The following CHD2 variants were observed in gnomAD, a reference collection of about 807,000 sequenced individuals.
CHD2 encodes the protein ATP-dependent chromatin remodeler CHD2.
In CHD2, 28 loss-of-function variants were observed where a neutral mutation model predicts 243.9. The ratio of observed to expected loss-of-function variants is 0.11; its 90% CI spans 0.09 to 0.16. The LOEUF is 0.16. Ranked by LOEUF, CHD2 falls within the 10% of genes least tolerant of loss-of-function variation. The pLI is 1.00. For synonymous variants in CHD2, 775 were observed against 779.0 expected, an observed-to-expected ratio of 0.99 and a Z score of 0.09; for missense variants, 1,386 against 2,209.8, an observed-to-expected ratio of 0.63 and a Z score of 7.47.
rs148812774 is a variant in CHD2, at chr15:92,980,433, G to A, written c.2877-382G>A. On this transcript the variant is annotated intron_variant, in intron 22 of 38. Transcript: ENST00000394196. ...TTTTCAGATAGTTTTCTGTTTAAGAGGAAGCTAGATGAGAAAAGCCTAGCT... is the reference window on the plus strand; with the variant it reads ...TTTTCAGATAGTTTTCTGTTTAAGAAGAAGCTAGATGAGAAAAGCCTAGCT... Among the ~76,000 whole-genome samples, 71 of 152,198 alleles carry A rather than the reference G, an allele frequency of 4.7e-4. No individual in the cohort carries two copies. In the East Asian group the frequency reaches 0.012, roughly 26 times the overall value.
intron 6 of CHD2, among the ~76,000 whole-genome samples, chr15:92,938,583 G>T (rs2053306036): frequency 6.6e-6 from 1 of 152,042 alleles, no homozygotes; most frequent in African/African-American, 2.4e-5. Flanking sequence ...TTTTATCTCA[G>T]CTTAATAAGT....
At chr15:92,989,344 T>TG (rs1567154181) in intron 26 of CHD2, among the ~76,000 whole-genome samples, 1 of 152,182 alleles carries the variant, frequency 6.6e-6, no homozygotes, top group Non-Finnish European at 1.5e-5. Flanking sequence ...CTTTTTGGTT[T>TG]TCTATATGTC....
intron 2 of CHD2, among the ~76,000 whole-genome samples, chr15:92,912,522 A>C (rs1374042879): frequency 1.3e-5 from 2 of 151,296 alleles, no homozygotes; most frequent in East Asian, 3.9e-4. Context: ...GTGCCCAGTT[A>C]ATTTTTGTAT....
chr15:92,967,696 T>G (rs1185540322), intron 17 of CHD2, among the ~76,000 whole-genome samples, 183 bp downstream of exon 17: 1 of 151,916 alleles, frequency 6.6e-6, no homozygotes, highest in Admixed American at 6.6e-5. Context: ...CAGCTAATTT[T>G]TTTTGTATTT....
chr15:92,930,823 G>A (rs898547121), intron 5 of CHD2, among the ~76,000 whole-genome samples: 1 of 152,126 alleles, frequency 6.6e-6, no homozygotes, highest in African/African-American at 2.4e-5. Flanking sequence ...TGCAGAGTGG[G>A]ATCTGTCTTC....
chr15:92,906,596 T>G (rs2052625414), intron 2 of CHD2, among the ~76,000 whole-genome samples: 1 of 152,094 alleles, frequency 6.6e-6, no homozygotes, highest in South Asian at 2.1e-4. Flanking sequence ...ACACTAAGTT[T>G]GTTTCTGGTA....
chr15:93,003,993 G>T (rs544910082), intron 33 of CHD2, among the ~76,000 whole-genome samples: 1 of 151,902 alleles, frequency 6.6e-6, no homozygotes, highest in Non-Finnish European at 1.5e-5. Context: ...GTGTGGTGGC[G>T]TGCGCCTGTA....
chr15:92,965,441 AGCTGCTCAGGAG>A (rs1184261863), intron 16 of CHD2: 1 of 151,738 alleles, frequency 6.6e-6, no homozygotes, highest in Non-Finnish European at 1.5e-5. Flanking sequence ...CTGTAGTTCC[AGCTGCTCAGGAG>A]GCTGATGCAG....
In CHD2 at chr15:92,923,816, G is replaced by A. The variant is rs566889284; in HGVS notation, c.63-505G>A. Among the ~76,000 whole-genome samples, 61 of 152,130 alleles carry A rather than the reference G, an allele frequency of 4.0e-4. No individual in the cohort carries two copies. The South Asian group carries it at 5.2e-3, about 13-fold the overall frequency. ...CCTGACCTCGTGATCCGCCCGCCTC[G>A]GCCTCCCAAAGTGCTGGGATTACAG... On this transcript the variant is annotated intron_variant, in intron 2 of 38. Coordinates refer to ENST00000394196, the MANE Select transcript of CHD2 (RefSeq NM_001271.4).
chr15:93,020,065 A>C lies in CHD2; in HGVS notation c.4960A>C (p.Asn1654His), dbSNP rs1437890850. Residue 1654 changes from asparagine to histidine, a missense_variant, in exon 38 of 39, where the codon AAT (asparagine) becomes CAT (histidine). Asn to His is a moderately conservative substitution (Grantham distance 68, BLOSUM62 1). Transcript: ENST00000394196. ...RKFNYGGGNNNPPWGSDRHHQ... is the reference protein window; with the variant it reads ...RKFNYGGGNNHPPWGSDRHHQ... ...GTTCAACTATGGTGGTGGCAACAACAATCCACCATGGGGAAGCGACAGGCA... is the reference window on the plus strand; with the variant it reads ...GTTCAACTATGGTGGTGGCAACAACCATCCACCATGGGGAAGCGACAGGCA... 2 of 1,614,168 alleles carry C rather than the reference A, an allele frequency of 1.2e-6. No homozygotes were observed. The highest frequency in any genetic ancestry group is 3.3e-5 in the Admixed American group (2 of 60,032).
chr15:92,915,306 G>A (rs554942325), intron 2 of CHD2, among the ~76,000 whole-genome samples: 37 of 151,588 alleles, frequency 2.4e-4, no homozygotes, highest in Non-Finnish European at 5.2e-4. Context: ...ACAGAGTCTC[G>A]CTCTGTTGCC....
intron 7 of CHD2, among the ~76,000 whole-genome samples, chr15:92,940,940 T>A (rs111400498): frequency 0.032 from 4,206 of 133,142 alleles, 98 homozygotes; most frequent in South Asian, 0.078. Flanking sequence ...ATATATAAAA[T>A]ATATATAAAT....
At chr15:92,935,427 A>G (rs1050819784) in intron 5 of CHD2, among the ~76,000 whole-genome samples, 1 of 152,188 alleles carries the variant, frequency 6.6e-6, no homozygotes, top group African/African-American at 2.4e-5. Context: ...TCTAGCCTCA[A>G]CACATCCATT....
intron 5 of CHD2, among the ~76,000 whole-genome samples, chr15:92,930,126 T>C (rs1277644965): frequency 6.6e-6 from 1 of 152,206 alleles, no homozygotes; most frequent in Non-Finnish European, 1.5e-5. Context: ...AAGGCTTTTG[T>C]TCTGCCCCAG....
intron 38 of CHD2, among the ~76,000 whole-genome samples, chr15:93,022,330 A>T (rs1439909571): frequency 4.6e-5 from 7 of 152,168 alleles, no homozygotes; most frequent in Admixed American, 3.9e-4. Context: ...TTAAAGCACC[A>T]GCTCTCACGT....
chr15:92,935,387 G>A (rs1038528580), intron 5 of CHD2, among the ~76,000 whole-genome samples: 1 of 152,160 alleles, frequency 6.6e-6, no homozygotes, highest in African/African-American at 2.4e-5. Flanking sequence ...TTGTTCATAA[G>A]TCTGTAAATC....
At chr15:92,976,940 C>T (rs925362777) in intron 20 of CHD2, among the ~76,000 whole-genome samples, 1 of 150,916 alleles carries the variant, frequency 6.6e-6, no homozygotes, top group Non-Finnish European at 1.5e-5. Flanking sequence ...CTAAATTTTT[C>T]TTATGCTTGT....
chr15:93,004,767 G>T lies in CHD2; in HGVS notation c.4413+16G>T. The T allele has an allele frequency of 2.5e-6, 4 of 1,605,622 alleles. No homozygotes were observed. Among genetic ancestry groups the T allele is most frequent in the Non-Finnish European group, 3.4e-6 (4 of 1,175,088 alleles). On this transcript the variant is annotated intron_variant, in intron 34 of 38. Coordinates refer to ENST00000394196, the MANE Select transcript of CHD2 (RefSeq NM_001271.4). ...ATTCAGCATAGTAAGTCTTGAAATC[G>T]GGGGGTGCCAGTGTCTGCAGCCGCG...
rs113304976 is a variant in CHD2, at chr15:92,933,370, A to G, written c.444-4148A>G. On this transcript the variant is annotated intron_variant, in intron 5 of 38. Transcript: ENST00000394196. ...GGTAATGCTGGCTTATGTAACAGTG[A>G]TGGACCAGGAGTTCTCCATTTTGCC... is the stretch of plus-strand genomic sequence containing the variant. 7.9e-5 allele frequency among the ~76,000 whole-genome samples: 12 copies of G among 152,306 alleles called. 1 individual carries two copies. The highest frequency in any genetic ancestry group is 1.9e-4 in the African/African-American group (8 of 41,572).
Sources: gnomAD v4.1 joint callset for allele counts (sites outside exome capture counted in the v4.1 genomes callset) on GRCh38, gnomAD v4.1.1 for gene constraint, MANE v1.5 for transcripts, NCBI Gene and HGNC (gene_info 2026-07-23, HGNC 2026-07-21) for gene names.